DPH6: variants seen among roughly 807,000 people sequenced by gnomAD.
DPH6 encodes the protein diphthamine biosynthesis 6, also known as diphthine--ammonia ligase.
A neutral mutation model predicts 38.2 loss-of-function variants in DPH6; 33 were observed. That is an observed-to-expected ratio of 0.86 (90% CI 0.65 to 1.15). The LOEUF (loss-of-function observed/expected upper bound fraction) is 1.15, where lower values mean the gene tolerates loss of function less well. Ranked by LOEUF, DPH6 falls within the 50% of genes most tolerant of loss-of-function variation. The pLI, the probability that DPH6 is intolerant of heterozygous loss-of-function variation, is 0.00. For synonymous variants in DPH6, 108 were observed against 103.0 expected (o/e 1.05, Z -0.30); for missense variants, 325 against 320.0 (o/e 1.02, Z -0.12).
At chr15:35,413,625 A>T (rs2053398348) in intron 5 of DPH6, among the ~76,000 whole-genome samples, 1 of 151,372 alleles carries the variant, frequency 6.6e-6, no homozygotes, top group Admixed American at 6.6e-5. Context: ...TATCTTTCTT[A>T]TATATATTTT....
At chr15:35,523,456 G>A (rs2054953407) in intron 3 of DPH6, among the ~76,000 whole-genome samples, 1 of 151,772 alleles carries the variant, frequency 6.6e-6, no homozygotes, top group Non-Finnish European at 1.5e-5. Context: ...ATTAAGGTTG[G>A]TAGCTTTACA....
At chr15:35,307,971 T>C (rs2140817361) in intron 3 of DPH6, among the ~76,000 whole-genome samples, 1 of 152,264 alleles carries the variant, frequency 6.6e-6, no homozygotes, top group Middle Eastern at 3.4e-3. Context: ...AATTAACCTC[T>C]GAGGAAATAA....
chr15:35,496,592 C>T (rs1179608902), intron 3 of DPH6, among the ~76,000 whole-genome samples: 8 of 37,390 alleles, frequency 2.1e-4, no homozygotes, highest in Admixed American at 6.5e-4. Context: ...ATATATATAT[C>T]CTCTACCAAT....
downstream of DPH6, among the ~76,000 whole-genome samples, chr15:35,213,922 C>A (rs2051399948): frequency 6.6e-6 from 1 of 152,174 alleles, no homozygotes; most frequent in South Asian, 2.1e-4. Context: ...ACCATCCTGG[C>A]TAACACGGTG....
intron 5 of DPH6, among the ~76,000 whole-genome samples, chr15:35,420,956 A>G (rs1257591710): frequency 6.6e-6 from 1 of 152,206 alleles, no homozygotes; most frequent in Non-Finnish European, 1.5e-5. Flanking sequence ...ACAAAGGATC[A>G]TAAGACACTA....
At chr15:35,179,842 A>G in the DPH6 span, among the ~76,000 whole-genome samples, 38,671 of 152,080 alleles carry the variant, frequency 0.25, 5,714 homozygotes, top group East Asian at 0.68. Context: ...TAGGAAGTAG[A>G]TGCATGGCAA....
At chr15:35,226,051 A>G (rs2051478310) in intron 3 of DPH6, among the ~76,000 whole-genome samples, 1 of 152,178 alleles carries the variant, frequency 6.6e-6, no homozygotes, top group South Asian at 2.1e-4. Context: ...TTCTGAAGCC[A>G]TAGTGTGCGA....
intron 3 of DPH6, among the ~76,000 whole-genome samples, chr15:35,462,261 A>C (rs2054075673): frequency 6.6e-6 from 1 of 152,154 alleles, no homozygotes; most frequent in Admixed American, 6.6e-5. Context: ...TCCTCCCTAC[A>C]GTCTATCTCC....
At chr15:35,306,597 C>A (rs1056598907) in intron 3 of DPH6, among the ~76,000 whole-genome samples, 1 of 152,206 alleles carries the variant, frequency 6.6e-6, no homozygotes, top group Non-Finnish European at 1.5e-5. Flanking sequence ...AATTGTACCA[C>A]GTCTCTCAAC....
intron 3 of DPH6, among the ~76,000 whole-genome samples, chr15:35,338,624 C>T (rs1182966573): frequency 2.0e-5 from 3 of 152,058 alleles, no homozygotes; most frequent in Non-Finnish European, 2.9e-5. Context: ...GTCAGTGTGG[C>T]GATTCCTCAG....
At chr15:35,297,221 G>A (rs1252228379) in intron 3 of DPH6, among the ~76,000 whole-genome samples, 1 of 152,030 alleles carries the variant, frequency 6.6e-6, no homozygotes, top group Non-Finnish European at 1.5e-5. Context: ...CTTGAAACCA[G>A]TATTTTTTAG....
chr15:35,244,961 C>T (rs946483874), intron 3 of DPH6, among the ~76,000 whole-genome samples: 7 of 152,144 alleles, frequency 4.6e-5, no homozygotes, highest in Non-Finnish European at 7.3e-5. Flanking sequence ...GATCATGTAA[C>T]TACCACTGAT....
chr15:35,456,721 G>A (rs558477524), intron 3 of DPH6, among the ~76,000 whole-genome samples: 2 of 151,600 alleles, frequency 1.3e-5, no homozygotes, highest in South Asian at 4.2e-4. Context: ...CTCCTGACCT[G>A]GTGATCCACC....
chr15:35,526,212 G>T (rs1019037002), intron 3 of DPH6, among the ~76,000 whole-genome samples: 2 of 152,154 alleles, frequency 1.3e-5, no homozygotes, highest in African/African-American at 4.8e-5. Context: ...ACCTAGGAAA[G>T]AATCCGTAAG....
At chr15:35,537,408 T>C (rs1309002279) in intron 3 of DPH6, among the ~76,000 whole-genome samples, 1 of 152,142 alleles carries the variant, frequency 6.6e-6, no homozygotes, top group Admixed American at 6.6e-5. Flanking sequence ...TATGAATCGA[T>C]TGTAACGGAC....
In DPH6 at chr15:35,521,039, G is replaced by A. The variant is rs181161522; in HGVS notation, c.312+17235C>T. The stretch of plus-strand genomic sequence containing the variant: ...AAAAGGAGGGGAAGGGGCTTTAGAT[G>A]GTATGTAGATTTCATTTTATTACAA... On this transcript the variant is annotated intron_variant, in intron 3 of 8. Transcript: ENST00000256538. The A allele has an allele frequency of 2.9e-5, 29 of 985,100 alleles. No homozygotes were observed. In the East Asian group the frequency reaches 2.5e-3, roughly 85 times the overall value. The allele number at this position is 985,100 out of a possible 1,614,324, so 61.0% of individuals were successfully genotyped here.
chr15:35,410,028 C>T (rs1595539333), intron 6 of DPH6, among the ~76,000 whole-genome samples: 1 of 151,554 alleles, frequency 6.6e-6, no homozygotes, highest in Non-Finnish European at 1.5e-5. Context: ...AAAGGTAAAA[C>T]CCATGAAGTT....
At chr15:35,378,161 GC>G (rs1261265164) in intron 7 of DPH6, among the ~76,000 whole-genome samples, 7 of 152,136 alleles carry the variant, frequency 4.6e-5, no homozygotes, top group Non-Finnish European at 1.0e-4. Context: ...CAAAAAGTGG[GC>G]AAAGGATATA....
intron 3 of DPH6, chr15:35,489,555 C>T (rs1018610572): frequency 1.0e-6 from 1 of 983,076 alleles, no homozygotes; most frequent in Admixed American, 6.2e-5. Context: ...CTATATCTTT[C>T]TCATGTTTAA....
Sources: allele counts gnomAD v4.1 joint callset (sites outside exome capture counted in the v4.1 genomes callset), GRCh38; gene constraint gnomAD v4.1.1; transcripts MANE v1.5; gene names NCBI Gene and HGNC (gene_info 2026-07-23, HGNC 2026-07-21).